Variants in RIMBP2 observed in about 807,000 individuals in gnomAD.
The protein encoded by RIMBP2 is RIMS binding protein 2.
A neutral mutation model predicts 118.6 loss-of-function variants in RIMBP2; 48 were observed. That is an observed-to-expected ratio of 0.40 (90% CI 0.32 to 0.51). The LOEUF (loss-of-function observed/expected upper bound fraction) is 0.51. RIMBP2 is among the 20% of genes least tolerant of loss of function. The pLI, the probability that RIMBP2 is intolerant of heterozygous loss-of-function variation, is 0.41. For synonymous variants in RIMBP2, 762 were observed against 742.9 expected (o/e 1.03, Z -0.42); for missense variants, 1,551 against 1,768.3 (o/e 0.88, Z 2.20).
chr12:130,452,637 T>A (rs1351255243), intron 7 of RIMBP2, among the ~76,000 whole-genome samples: 1 of 152,230 alleles, frequency 6.6e-6, no homozygotes, highest in Non-Finnish European at 1.5e-5. Flanking sequence ...CCAGTGAACC[T>A]TGAGGGGAGT....
At chr12:130,571,539 C>T (rs951984772) in intron 2 of RIMBP2, among the ~76,000 whole-genome samples, 9 of 151,864 alleles carry the variant, frequency 5.9e-5, no homozygotes, top group African/African-American at 1.7e-4. Flanking sequence ...CCTGCCTTAG[C>T]CTCCCGGGTA....
rs1566439209 is a variant in RIMBP2 at position 130,664,439 on chromosome 12, G to GCACGCACGCA, written c.-351-35984_-351-35983insTGCGTGCGTG. Among the ~76,000 whole-genome samples, 42 of 123,510 alleles carry GCACGCACGCA rather than the reference G, an allele frequency of 3.4e-4. 2 individuals carry two copies. The highest frequency in any genetic ancestry group is 9.5e-4 in the African/African-American group (32 of 33,698). The allele number at this position is 123,510 out of a possible 152,430, so 81.0% of individuals were successfully genotyped here. A position where few individuals can be genotyped will look rare whatever the true frequency, so the allele number is the denominator to read the frequency against. ...CACACACGCACACACATGCATGCAC[G>GCACGCACGCA]CACACACGCACACACATGCACGCAC... is the stretch of plus-strand genomic sequence containing the variant. On this transcript the variant is annotated intron_variant, in intron 1 of 22. Coordinates refer to ENST00000690449, the MANE Select transcript of RIMBP2 (RefSeq NM_001393629.1).
At position 130,576,202 on chromosome 12, in the gene RIMBP2, T is replaced by C. The variant is rs1367694075; in HGVS notation, c.-217+52120A>G. On this transcript the variant is annotated intron_variant, in intron 2 of 22. Transcript: ENST00000690449. This position sits in a 1 kb window ranked among gnomAD's most constrained non-coding sequence, Gnocchi z 4.2. Reference sequence around the variant, plus strand: ...GGAACCTTGCTTTGTATCCTGAGCATGAGAAGACGTCTTTTTTACCTTTCT... The same window carrying C: ...GGAACCTTGCTTTGTATCCTGAGCACGAGAAGACGTCTTTTTTACCTTTCT... Among the ~76,000 whole-genome samples, 1 of 152,160 alleles carries C rather than the reference T, an allele frequency of 6.6e-6. No homozygotes were observed. The highest frequency in any genetic ancestry group is 1.5e-5 in the Non-Finnish European group (1 of 68,036).
At chr12:130,558,467 G>GT (rs2056549889) in intron 2 of RIMBP2, among the ~76,000 whole-genome samples, 2 of 152,100 alleles carry the variant, frequency 1.3e-5, no homozygotes, top group Admixed American at 6.5e-5. Flanking sequence ...CACAGTGATG[G>GT]TGACAGACAG....
chr12:130,542,671 G>A (rs947465730), intron 2 of RIMBP2, among the ~76,000 whole-genome samples: 11 of 152,150 alleles, frequency 7.2e-5, no homozygotes, highest in African/African-American at 2.7e-4. Flanking sequence ...GAACACAGAG[G>A]CCAGCAGCCC....
At position 130,434,799 on chromosome 12, in the gene RIMBP2, G is replaced by T. The variant is rs770625205; in HGVS notation, c.2188C>A (p.Pro730Thr). 2 of 1,613,936 alleles carry T rather than the reference G, an allele frequency of 1.2e-6. No homozygotes were observed. The highest frequency in any genetic ancestry group is 2.2e-5 in the South Asian group (2 of 91,068). Reference sequence around the variant, plus strand: ...GAGGCGCCCCTCCTCTTGAAGTCTGGAGAGTCATAGGCGTCCTCCTCGTCT... The same window carrying T: ...GAGGCGCCCCTCCTCTTGAAGTCTGTAGAGTCATAGGCGTCCTCCTCGTCT... ...ASDEEDAYDS[P>T]DFKRRGASVD... is the part of the protein sequence containing the mutation. The change falls in exon 14 of 23, where the codon CCA becomes ACA. Residue 730 changes from proline (P) to threonine (T), a missense_variant. By Grantham distance (38) the Pro-to-Thr change is conservative. Around this residue, in one of 5 missense-constraint regions of RIMBP2, gnomAD observed 1,038 missense variants for 1,125.1 expected, o/e 0.92. Coordinates refer to ENST00000690449, the MANE Select transcript of RIMBP2 (RefSeq NM_001393629.1). The surrounding 1 kb of genome is among the most constrained non-coding windows in gnomAD (Gnocchi z 5.7).
chr12:130,479,530 C>T (rs546753556), intron 4 of RIMBP2, among the ~76,000 whole-genome samples: 35 of 152,112 alleles, frequency 2.3e-4, no homozygotes, highest in Non-Finnish European at 4.6e-4. Flanking sequence ...GGATGTCATC[C>T]TTGCCCATCG....
intron 1 of RIMBP2, among the ~76,000 whole-genome samples, chr12:130,663,863 G>A (rs1240258676): frequency 4.0e-5 from 6 of 151,630 alleles, no homozygotes; most frequent in Non-Finnish European, 4.4e-5. Context: ...ATTCCATACC[G>A]GTTTGTTAAT....
At chr12:130,403,677 G>A (rs972577757) in intron 21 of RIMBP2, among the ~76,000 whole-genome samples, 17 of 26,950 alleles carry the variant, frequency 6.3e-4, no homozygotes, top group Non-Finnish European at 2.3e-3. Flanking sequence ...CTCCTCTAAA[G>A]CATAGAAAAA....
At chr12:130,610,570 T>C (rs1054085496) in intron 2 of RIMBP2, among the ~76,000 whole-genome samples, 2 of 119,118 alleles carry the variant, frequency 1.7e-5, no homozygotes, top group Non-Finnish European at 3.4e-5. Flanking sequence ...TTTTTTTTTT[T>C]TTTTTTTTGA....
At chr12:130,466,508 G>C (rs1164431772) in intron 6 of RIMBP2, among the ~76,000 whole-genome samples, 2 of 152,192 alleles carry the variant, frequency 1.3e-5, no homozygotes, top group East Asian at 3.8e-4. Flanking sequence ...TGGCACTGGA[G>C]TTGTGTATGT....
intron 1 of RIMBP2, among the ~76,000 whole-genome samples, chr12:130,642,888 C>T (rs1032695989): frequency 2.0e-5 from 3 of 152,196 alleles, no homozygotes; most frequent in Non-Finnish European, 4.4e-5. Context: ...GGCCAGGCCA[C>T]ACTGCCGCTC....
chr12:130,603,112 T>A (rs1345589099), intron 2 of RIMBP2, among the ~76,000 whole-genome samples: 1 of 152,024 alleles, frequency 6.6e-6, no homozygotes, highest in African/African-American at 2.4e-5. Context: ...AAAGATAAAC[T>A]CAAGTGGCAA....
At chr12:130,552,341 A>G (rs2055882200) in intron 2 of RIMBP2, among the ~76,000 whole-genome samples, 1 of 152,242 alleles carries the variant, frequency 6.6e-6, no homozygotes, top group Non-Finnish European at 1.5e-5. Flanking sequence ...AAGACAAATC[A>G]TGTTTTCTTT....
At chr12:130,573,918 T>C (rs960843019) in intron 2 of RIMBP2, among the ~76,000 whole-genome samples, 2 of 152,084 alleles carry the variant, frequency 1.3e-5, no homozygotes, top group African/African-American at 2.4e-5. Flanking sequence ...CCCACATCCC[T>C]GCAGGCACAC....
intron 1 of RIMBP2, among the ~76,000 whole-genome samples, chr12:130,678,066 G>A (rs2064584122): frequency 6.6e-6 from 1 of 152,192 alleles, no homozygotes; most frequent in Non-Finnish European, 1.5e-5. Context: ...ATTGCCTGAG[G>A]GTGACTGGAT....
intron 2 of RIMBP2, among the ~76,000 whole-genome samples, chr12:130,538,018 A>T (rs2054228275): frequency 6.6e-6 from 1 of 152,128 alleles, no homozygotes; most frequent in Admixed American, 6.5e-5. Context: ...GACTCCAAAA[A>T]CTGACAAAAG....
intron 1 of RIMBP2, among the ~76,000 whole-genome samples, chr12:130,674,218 G>T (rs533007539): frequency 6.6e-6 from 1 of 152,230 alleles, no homozygotes; most frequent in Non-Finnish European, 1.5e-5. Context: ...TCTCTCTCCT[G>T]CTCCAGCCAT....
intron 2 of RIMBP2, among the ~76,000 whole-genome samples, chr12:130,595,749 A>AC (rs1356745152): frequency 6.6e-6 from 1 of 152,098 alleles, no homozygotes; most frequent in Non-Finnish European, 1.5e-5. Flanking sequence ...CAAAGACAGC[A>AC]CCCCTGGGGC....
Sources: gnomAD v4.1 joint callset for allele counts (sites outside exome capture counted in the v4.1 genomes callset) on GRCh38, gnomAD v4.1.1 for gene constraint, gnomAD v4.1.1 regional missense constraint, Gnocchi (gnomAD v3.1) non-coding constraint, MANE v1.5 for transcripts, NCBI Gene and HGNC (gene_info 2026-07-23, HGNC 2026-07-21) for gene names.